OSBP2: variants seen among roughly 807,000 people sequenced by gnomAD.
The protein encoded by OSBP2 is oxysterol-binding protein 2.
A neutral mutation model predicts 96.0 loss-of-function variants in OSBP2; 66 were observed. The ratio of observed to expected loss-of-function variants is 0.69; its 90% CI spans 0.56 to 0.84. The LOEUF (loss-of-function observed/expected upper bound fraction) is 0.84, where lower values mean the gene tolerates loss of function less well. OSBP2 is among the 40% of genes least tolerant of loss of function. The pLI is 0.00. For synonymous variants in OSBP2, 525 were observed against 520.9 expected, an observed-to-expected ratio of 1.01 and a Z score of -0.11; for missense variants, 1,038 against 1,222.7, an observed-to-expected ratio of 0.85 and a Z score of 2.25.
chr22:30,713,236 G>A (rs1056196452), intron 1 of OSBP2, among the ~76,000 whole-genome samples: 3 of 151,578 alleles, frequency 2.0e-5, no homozygotes, highest in Admixed American at 2.0e-4. Context: ...CCGCCACCAC[G>A]CCCGGCTAAT....
chr22:30,706,541 C>A (rs2089256431), intron 1 of OSBP2, among the ~76,000 whole-genome samples: 1 of 152,056 alleles, frequency 6.6e-6, no homozygotes, highest in Non-Finnish European at 1.5e-5. Flanking sequence ...TAGGAAACTG[C>A]CAGATTGCAT....
At chr22:30,731,521 C>T (rs2089778938) in intron 1 of OSBP2, 1 of 153,414 alleles carries the variant, frequency 6.5e-6, no homozygotes. Context: ...TACGGCGTGA[C>T]CTGGATGAGG....
At chr22:30,874,663 A>G (rs916292490) in intron 3 of OSBP2, among the ~76,000 whole-genome samples, 7 of 152,180 alleles carry the variant, frequency 4.6e-5, no homozygotes, top group African/African-American at 1.4e-4. Flanking sequence ...CTTCAGCCCC[A>G]GGGGTTTGAG....
At chr22:30,763,190 A>G (rs2090228403) in intron 2 of OSBP2, among the ~76,000 whole-genome samples, 1 of 152,244 alleles carries the variant, frequency 6.6e-6, no homozygotes, top group Non-Finnish European at 1.5e-5. Flanking sequence ...CGACTAAAGT[A>G]AGCTGCAGTT....
At position 30,752,995 on chromosome 22, in the gene OSBP2, C is replaced by T. The variant is rs192643751; in HGVS notation, c.853+11626C>T. Among the ~76,000 whole-genome samples, 21 of 152,294 alleles carry T rather than the reference C, an allele frequency of 1.4e-4. No homozygotes were observed. In the East Asian group the frequency reaches 2.3e-3, roughly 17 times the overall value. On this transcript the variant is annotated intron_variant, in intron 2 of 13. Transcript: ENST00000332585. The stretch of plus-strand genomic sequence containing the variant: ...CAGAGGCATGTCCAACCCCCACTTC[C>T]CATCATGACCCTAGCTACTTTTTTT...
chr22:30,764,174 C>T (rs2090241425), intron 2 of OSBP2: 1 of 931,468 alleles, frequency 1.1e-6, no homozygotes, highest in African/African-American at 1.8e-5. Flanking sequence ...CTCGCCTACC[C>T]TCCATTGATG....
rs560703900 is a variant in OSBP2 at position 30,857,127 on chromosome 22, C to T, written c.854-13302C>T. Among the ~76,000 whole-genome samples the T allele has an allele frequency of 2.6e-5, 4 of 152,314 alleles. No homozygotes were observed. The South Asian group carries it at 8.3e-4, about 32-fold the overall frequency. ...AAGGCATGCCTTGGAAGCTACCAGC[C>T]GACGGTAGTGACTGCAGCAGCCCCC... On this transcript the variant is annotated intron_variant, in intron 2 of 13. Transcript: ENST00000332585.
rs572030296 is a variant in OSBP2, at chr22:30,729,366, G to A, written c.645-11795G>A. ...GGATCTAAAATTATTGGCTGGGCAC[G>A]GTGGCTCACGCCTGTAAACCCAGCA... On this transcript the variant is annotated intron_variant, in intron 1 of 13. Transcript: ENST00000332585. Among the ~76,000 whole-genome samples the A allele has an allele frequency of 1.0e-3, 152 of 152,268 alleles. 1 individual carries two copies. The South Asian group carries it at 0.01, about 10-fold the overall frequency.
chr22:30,856,778 A>AG (rs1162472503), intron 2 of OSBP2, among the ~76,000 whole-genome samples: 1 of 150,252 alleles, frequency 6.7e-6, no homozygotes, highest in African/African-American at 2.4e-5. Flanking sequence ...CATTTCTTTT[A>AG]GAAAAAAAAA....
At chr22:30,771,171 G>A (rs2090342776) in intron 2 of OSBP2, among the ~76,000 whole-genome samples, 2 of 152,206 alleles carry the variant, frequency 1.3e-5, no homozygotes, top group Admixed American at 1.3e-4. Flanking sequence ...CGGCAGGAGG[G>A]CAGGCAAAAG....
chr22:30,704,011 A>G (rs2089205610), intron 1 of OSBP2, among the ~76,000 whole-genome samples: 1 of 152,240 alleles, frequency 6.6e-6, no homozygotes, highest in Non-Finnish European at 1.5e-5. Context: ...AACTGGAAGC[A>G]CATGAACAGC....
chr22:30,783,737 C>T (rs146503502), intron 2 of OSBP2, among the ~76,000 whole-genome samples: 101 of 152,266 alleles, frequency 6.6e-4, no homozygotes, highest in African/African-American at 2.2e-3. Context: ...GGCATAAGAA[C>T]GCAACTTACG....
At chr22:30,719,883 A>G (rs1429530488) in intron 1 of OSBP2, among the ~76,000 whole-genome samples, 1 of 152,178 alleles carries the variant, frequency 6.6e-6, no homozygotes, top group Non-Finnish European at 1.5e-5. Flanking sequence ...CAAGGGAACA[A>G]CAACAACAAC....
At chr22:30,865,200 C>G (rs2039308296) in intron 2 of OSBP2, among the ~76,000 whole-genome samples, 1 of 152,160 alleles carries the variant, frequency 6.6e-6, no homozygotes, top group Non-Finnish European at 1.5e-5. Flanking sequence ...AGGGGGTGCC[C>G]TGTGGCCTCC....
chr22:30,731,386 T>A (rs931278162), intron 1 of OSBP2, among the ~76,000 whole-genome samples: 1 of 151,970 alleles, frequency 6.6e-6, no homozygotes, highest in East Asian at 1.9e-4. Context: ...TTCCAGAACT[T>A]ACACAAGAAG....
At chr22:30,737,208 A>G (rs2089869185) in intron 1 of OSBP2, among the ~76,000 whole-genome samples, 1 of 147,870 alleles carries the variant, frequency 6.8e-6, no homozygotes, top group Middle Eastern at 3.5e-3. Flanking sequence ...TAGAGATGGG[A>G]TTTCACCATG....
At chr22:30,757,998 T>C (rs2090161686) in intron 2 of OSBP2, among the ~76,000 whole-genome samples, 1 of 152,204 alleles carries the variant, frequency 6.6e-6, no homozygotes, top group South Asian at 2.1e-4. Context: ...CCAGTTTCAC[T>C]ATCTGACCTC....
In OSBP2 at chr22:30,695,469, G is replaced by T. The variant is rs888431237; in HGVS notation, c.560G>T (p.Gly187Val). 1 of 1,613,464 alleles carries T rather than the reference G, an allele frequency of 6.2e-7. No individual in the cohort carries two copies. The highest frequency in any genetic ancestry group is 1.3e-5 in the African/African-American group (1 of 75,068). ...LALLPLDSFE[G>V]WLLKWTNYLK... ...TTACTGCCTCTGGACAGCTTCGAGGGCTGGCTTCTCAAGTGGACCAACTAT... is the reference window on the plus strand; with the variant it reads ...TTACTGCCTCTGGACAGCTTCGAGGTCTGGCTTCTCAAGTGGACCAACTAT... The change falls in exon 1 of 14, where the codon GGC (glycine) becomes GTC (valine). Residue 187 changes from glycine (G) to valine (V), a missense_variant. Physicochemically the swap from Gly to Val is moderately radical, Grantham distance 109. Coordinates refer to ENST00000332585, the MANE Select transcript of OSBP2 (RefSeq NM_030758.4).
At chr22:30,899,026 A>AT (rs2040130253) in intron 12 of OSBP2, among the ~76,000 whole-genome samples, 3 of 152,232 alleles carry the variant, frequency 2.0e-5, no homozygotes, top group Admixed American at 2.0e-4. Context: ...TGTGACATAT[A>AT]AAGTATAAAG....
Sources: gnomAD v4.1 joint callset for allele counts (sites outside exome capture counted in the v4.1 genomes callset) on GRCh38, gnomAD v4.1.1 for gene constraint, MANE v1.5 for transcripts, NCBI Gene and HGNC (gene_info 2026-07-23, HGNC 2026-07-21) for gene names.